TSPAN6: variants seen among roughly 807,000 people sequenced by gnomAD.
TSPAN6 encodes the protein tetraspanin 6, also known as tetraspanin-6.
In TSPAN6, 13 loss-of-function variants were observed where a neutral mutation model predicts 18.0. The ratio of observed to expected loss-of-function variants is 0.72; its 90% confidence interval spans 0.47 to 1.15. The LOEUF is 1.15. TSPAN6 is among the 50% of genes most tolerant of loss of function. The probability of loss-of-function intolerance (pLI) is 0.00; values close to 1 mark genes in which losing one functional copy is unlikely to be tolerated. For synonymous variants in TSPAN6, 82 were observed against 67.0 expected (o/e 1.22, Z -1.09); for missense variants, 186 against 183.9 (o/e 1.01, Z -0.07).
intron 4 of TSPAN6, 89 bp downstream of exon 4, chrX:100,633,842 C>A: frequency 1.5e-6 from 1 of 656,185 alleles, no homozygotes. Flanking sequence ...CTTTCCCCTA[C>A]AGGTGGATAA....
At position 100,632,559 on chromosome X, in the gene TSPAN6, T is replaced by C; in HGVS notation, c.595A>G (p.Ile199Val). The part of the protein sequence containing the change: ...ADKVNNEGCF[I>V]KVMTIIESEM... ...GACTCTATAATGGTCATCACCTTTA[T>C]AAAACAACCCTAATGGGAGGAAAAA... The change falls in exon 6 of 8, where the codon ATA becomes GTA. Residue 199 changes from isoleucine (I) to valine (V), a missense_variant. Transcript: ENST00000373020. 1 of 1,198,150 alleles carries C rather than the reference T, an allele frequency of 8.3e-7. No individual in the cohort carries two copies. Among genetic ancestry groups the C allele is most frequent in the Non-Finnish European group, 1.1e-6 (1 of 884,758 alleles).
chrX:100,633,589 C>A, intron 4 of TSPAN6, 50 bp from the exon 5 acceptor site: 2 of 1,116,919 alleles, frequency 1.8e-6, no homozygotes, highest in South Asian at 4.3e-5. Context: ...ACTTTGTAGT[C>A]AAACATTTAA....
At chrX:100,631,472 T>C (rs1457549682) in intron 6 of TSPAN6, among the ~76,000 whole-genome samples, 3 of 112,188 alleles carry the variant, frequency 2.7e-5, no homozygotes, top group Non-Finnish European at 5.6e-5. Flanking sequence ...TGAATTAGTC[T>C]TATTTCTAGT....
rs551142904 is a variant in TSPAN6 at position 100,629,833 on chromosome X, A to G, written c.*193T>C. 2 of 196,450 alleles carry G rather than the reference A, an allele frequency of 1.0e-5. No homozygotes were observed. The highest frequency in any genetic ancestry group is 2.4e-4 in the South Asian group (1 of 4,111). 16.2% of individuals were successfully genotyped at this position (196,450 alleles called of 1,213,427 possible). A position where few individuals can be genotyped will look rare whatever the true frequency, so the allele number is the denominator to read the frequency against. On this transcript the variant is annotated 3_prime_UTR_variant, in exon 8 of 8. Transcript: ENST00000373020. ...TTGAATCAGCCCACTGCGAGCACGG[A>G]TCTTGATTGAATCAGCCTATTGGTG...
chrX:100,636,758 T>C lies in TSPAN6; in HGVS notation c.-64A>G. ...GGAACACAGAGAGCGAGACGCGGAGTCCCCGAGTCTCCCCGGAAACTGCCG... is the reference window on the plus strand; with the variant it reads ...GGAACACAGAGAGCGAGACGCGGAGCCCCCGAGTCTCCCCGGAAACTGCCG... On this transcript the variant is annotated 5_prime_UTR_variant, in exon 1 of 8. Coordinates refer to ENST00000373020, the MANE Select transcript of TSPAN6 (RefSeq NM_003270.4). 9.3e-7 allele frequency: 1 copy of C among 1,069,542 alleles called. No individual in the cohort carries two copies. The highest frequency in any genetic ancestry group is 3.4e-5 in the East Asian group (1 of 29,104). 88.1% of individuals were successfully genotyped at this position (1,069,542 alleles called of 1,213,427 possible).
intron 3 of TSPAN6, among the ~76,000 whole-genome samples, chrX:100,634,788 C>T (rs1273796472): frequency 1.7e-4 from 19 of 111,899 alleles, no homozygotes; most frequent in South Asian, 7.5e-4. Context: ...CGTGAGCCAA[C>T]GCGCCCGGCC....
intron 1 of TSPAN6, 33 bp downstream of exon 1, chrX:100,636,575 C>G (rs1458366322): frequency 1.7e-6 from 2 of 1,180,217 alleles, no homozygotes; most frequent in Non-Finnish European, 2.3e-6. Context: ...AGCCCGGGAT[C>G]CCCTGCCGGC....
chrX:100,631,241 A>G (rs1481971944), intron 6 of TSPAN6, among the ~76,000 whole-genome samples: 1 of 112,475 alleles, frequency 8.9e-6, no homozygotes, highest in Non-Finnish European at 1.9e-5. Context: ...GGAAAGATCC[A>G]CAGCAATGCT....
chrX:100,630,706 C>T (rs781683511), intron 7 of TSPAN6, 53 bp downstream of exon 7: 2 of 916,995 alleles, frequency 2.2e-6, no homozygotes, highest in African/African-American at 4.0e-5. Flanking sequence ...ATCACATACA[C>T]AGGCTAGAAT....
In TSPAN6 at chrX:100,632,572, A is replaced by T; in HGVS notation, c.586-4T>A. ...TCATCACCTTTATAAAACAACCCTA[A>T]TGGGAGGAAAAAAACAAAGATTAAA... On this transcript the variant is annotated splice_region_variant and splice_polypyrimidine_tract_variant and intron_variant, in intron 5 of 7. Transcript: ENST00000373020. 8.6e-7 allele frequency: 1 copy of T among 1,165,797 alleles called. No homozygotes were observed. Among genetic ancestry groups the T allele is most frequent in the African/African-American group, 1.8e-5 (1 of 56,621 alleles).
intron 1 of TSPAN6, chrX:100,636,129 G>A (rs2083093435): frequency 2.6e-6 from 2 of 776,062 alleles, no homozygotes; most frequent in Admixed American, 1.5e-4. Context: ...GGGTACAAAG[G>A]ACTGGTACAC....
rs2083054313 is a variant in TSPAN6 at position 100,630,842 on chromosome X, A to G, written c.694T>C (p.Cys232Arg). ...TTATTTGTTATGGCACGAGAGAGGC[A>G]GTAGGCGAGAAAGATTCCAATCAGC... ...FQLIGIFLAY[C>R]LSRAITNNQY... The change falls in exon 7 of 8, where the codon TGC (cysteine) becomes CGC (arginine). Residue 232 changes from cysteine (C) to arginine (R), a missense_variant. By Grantham distance (180) the Cys-to-Arg change is radical. Transcript: ENST00000373020. The G allele has an allele frequency of 3.3e-6, 4 of 1,209,702 alleles. No individual in the cohort carries two copies. The highest frequency in any genetic ancestry group is 3.4e-6 in the Non-Finnish European group (3 of 893,482).
Position 100,629,029 on chromosome X carries a change from T to C in TSPAN6, c.*997A>G, listed in dbSNP as rs911148856. On this transcript the variant is annotated 3_prime_UTR_variant, in exon 8 of 8. Transcript: ENST00000373020. ...CAAGTTAATTTAAACACGATCTTTT[T>C]AGAGGAAAGCAGTATTTATTGTATA... is the stretch of plus-strand genomic sequence containing the variant. The C allele has an allele frequency of 3.6e-5, 4 of 112,122 alleles. No homozygotes were observed. The highest frequency in any genetic ancestry group is 1.3e-4 in the African/African-American group (4 of 30,856). 9.2% of individuals were successfully genotyped at this position (112,122 alleles called of 1,213,427 possible).
At chrX:100,634,273 T>C (rs973589091) in intron 3 of TSPAN6, among the ~76,000 whole-genome samples, 4 of 111,319 alleles carry the variant, frequency 3.6e-5, no homozygotes, top group African/African-American at 1.3e-4. Context: ...GGAATATGTA[T>C]TTATCTGAGT....
chrX:100,636,402 G>C, intron 1 of TSPAN6: 2 of 993,487 alleles, frequency 2.0e-6, no homozygotes, highest in Non-Finnish European at 2.5e-6. Flanking sequence ...GGCTGCCTTC[G>C]TCCCGCACTC....
In TSPAN6 at chrX:100,633,505, C is replaced by T. The variant is rs765284503; in HGVS notation, c.485G>A (p.Trp162Ter). 1 of 1,204,935 alleles carries T rather than the reference C, an allele frequency of 8.3e-7. No individual in the cohort carries two copies. Among genetic ancestry groups the T allele is most frequent in the Non-Finnish European group, 1.1e-6 (1 of 892,659 alleles). The change falls in exon 5 of 8, where the codon TGG (tryptophan) becomes TAG (stop). Residue 162 changes from tryptophan (W) to a stop codon, truncating the protein, a stop_gained. Transcript: ENST00000373020. LOFTEE classifies it high-confidence loss of function. ...HCCGVTDYRDWTDTNYYSEKG... is the reference protein window; with the variant it reads ...HCCGVTDYRD ...TTCTGAGTAATAATTAGTATCTGTC[C>T]AATCTCTATAATCGGTGACACCACA...
chrX:100,631,919 G>A (rs909067376), intron 6 of TSPAN6: 1 of 110,417 alleles, frequency 9.1e-6, no homozygotes, highest in Non-Finnish European at 1.9e-5. Flanking sequence ...TGTGCAGAAC[G>A]TGCAGGTTAC....
At chrX:100,633,785 G>C (rs751070650) in intron 4 of TSPAN6, 146 bp downstream of exon 4, 4 of 497,411 alleles carry the variant, frequency 8.0e-6, no homozygotes, top group African/African-American at 7.4e-5. Flanking sequence ...AAGTGGGGAA[G>C]GAAGAGAACA....
rs199701211 is a variant in TSPAN6, at chrX:100,635,887, A to AG, written c.88-142dup. The AG allele has an allele frequency of 3.4e-3, 1,463 of 432,700 alleles. 24 individuals are homozygous for AG. The African/African-American group carries it at 0.035, about 10-fold the overall frequency. 35.7% of individuals were successfully genotyped at this position (432,700 alleles called of 1,213,427 possible). On this transcript the variant is annotated intron_variant, in intron 1 of 7. Transcript: ENST00000373020. ...ACAAGGGGGAAGAGTAGAAGGGGTT[A>AG]GGGGGGGATCTGCACACAAGAGCAG...
Sources: allele counts gnomAD v4.1 joint callset (sites outside exome capture counted in the v4.1 genomes callset), GRCh38; gene constraint gnomAD v4.1.1; transcripts MANE v1.5; gene names NCBI Gene and HGNC (gene_info 2026-07-23, HGNC 2026-07-21).